LRFN2: variants seen among roughly 807,000 people sequenced by gnomAD.
LRFN2 encodes leucine-rich repeat and fibronectin type-III domain-containing protein 2.
LRFN2 carries 18 observed loss-of-function variants against 37.3 expected under a neutral mutation model. The observed-to-expected ratio is 0.48, with a 90% confidence interval of 0.33 to 0.72. The LOEUF is 0.72. Among genes scored for constraint, LRFN2 ranks in the 30% least tolerant of loss-of-function variants. The pLI is 0.02. For synonymous variants in LRFN2, 556 were observed against 466.6 expected (o/e 1.19, Z -2.47); for missense variants, 1,006 against 1,060.7 (o/e 0.95, Z 0.72).
At chr6:40,431,134 T>G (rs529335580) in intron 2 of LRFN2, among the ~76,000 whole-genome samples, 1 of 152,194 alleles carries the variant, frequency 6.6e-6, no homozygotes, top group Non-Finnish European at 1.5e-5. Context: ...TTTGATTCAG[T>G]TACCAAAACT....
chr6:40,565,492 A>G (rs1767070637), intron 1 of LRFN2, among the ~76,000 whole-genome samples: 1 of 152,212 alleles, frequency 6.6e-6, no homozygotes, highest in Admixed American at 6.5e-5. Flanking sequence ...CTATACTACA[A>G]GGCTACAGTA....
At chr6:40,449,760 A>T (rs1044072168) in intron 1 of LRFN2, among the ~76,000 whole-genome samples, 4 of 152,198 alleles carry the variant, frequency 2.6e-5, no homozygotes, top group African/African-American at 9.7e-5. Context: ...AAGAGTTTCT[A>T]TATACTCCTC....
At chr6:40,524,678 A>G (rs1334243779) in intron 1 of LRFN2, among the ~76,000 whole-genome samples, 4 of 152,226 alleles carry the variant, frequency 2.6e-5, no homozygotes, top group Admixed American at 6.5e-5. Flanking sequence ...TTGTCTTTAA[A>G]GGAACTTGGG....
chr6:40,455,022 C>A (rs571644296), intron 1 of LRFN2, among the ~76,000 whole-genome samples: 15 of 152,264 alleles, frequency 9.9e-5, no homozygotes, highest in African/African-American at 3.4e-4. Context: ...ATAAAAAAGA[C>A]GTCCTTTTTA....
chr6:40,401,267 G>A (rs1762734722), intron 2 of LRFN2, among the ~76,000 whole-genome samples: 1 of 152,062 alleles, frequency 6.6e-6, no homozygotes, highest in Admixed American at 6.5e-5. Context: ...AGGCTCCCTT[G>A]CAGCTAGTGT....
chr6:40,533,416 TGAAAGAGAGAGA>T (rs1237779138), intron 1 of LRFN2, among the ~76,000 whole-genome samples: 3 of 115,284 alleles, frequency 2.6e-5, no homozygotes, highest in South Asian at 2.9e-4. Context: ...CACACACACT[TGAAAGAGAGAGA>T]GAAAGAGAGA....
chr6:40,451,391 C>T (rs994006315), intron 1 of LRFN2, among the ~76,000 whole-genome samples: 1 of 152,162 alleles, frequency 6.6e-6, no homozygotes, highest in Non-Finnish European at 1.5e-5. Flanking sequence ...TCTTCCTGCA[C>T]ACCTGAGACC....
At chr6:40,424,666 C>A (rs747998931) in intron 2 of LRFN2, among the ~76,000 whole-genome samples, 2 of 152,108 alleles carry the variant, frequency 1.3e-5, no homozygotes, top group African/African-American at 2.4e-5. Context: ...CCTCCCTGTC[C>A]ACCCCTATTT....
intron 1 of LRFN2, among the ~76,000 whole-genome samples, chr6:40,443,630 G>C (rs887264165): frequency 6.6e-6 from 1 of 152,212 alleles, no homozygotes; most frequent in Admixed American, 6.5e-5. Context: ...CTTTATTGCT[G>C]TCCTCTGTCC....
intron 1 of LRFN2, among the ~76,000 whole-genome samples, chr6:40,447,610 A>G (rs1481992449): frequency 6.6e-6 from 1 of 152,174 alleles, no homozygotes; most frequent in Non-Finnish European, 1.5e-5. Context: ...AGATGATATC[A>G]TCATCATCAT....
intron 1 of LRFN2, among the ~76,000 whole-genome samples, chr6:40,473,882 C>T (rs1314482561): frequency 1.3e-5 from 2 of 152,156 alleles, no homozygotes; most frequent in African/African-American, 2.4e-5. Context: ...ACATCACCTA[C>T]CCAGGGATAC....
intron 2 of LRFN2, among the ~76,000 whole-genome samples, chr6:40,415,794 C>T (rs62395884): frequency 0.21 from 31,344 of 152,040 alleles, 3,722 homozygotes; most frequent in Non-Finnish European, 0.26. Context: ...AAACACCTCT[C>T]GAATGACTAA....
At chr6:40,528,015 G>A (rs1561896658) in intron 1 of LRFN2, among the ~76,000 whole-genome samples, 2 of 152,208 alleles carry the variant, frequency 1.3e-5, no homozygotes, top group Non-Finnish European at 2.9e-5. Flanking sequence ...GGAGAAAATG[G>A]AGTCTCAGAG....
At chr6:40,559,254 AGCCTTCCTGATGAC>A (rs1766948037) in intron 1 of LRFN2, among the ~76,000 whole-genome samples, 1 of 152,150 alleles carries the variant, frequency 6.6e-6, no homozygotes, top group Non-Finnish European at 1.5e-5. Flanking sequence ...CCCGGCAGTG[AGCCTTCCTGATGAC>A]GCTGTAAATC....
intron 1 of LRFN2, among the ~76,000 whole-genome samples, chr6:40,543,477 C>T (rs1383566560): frequency 6.6e-6 from 1 of 152,188 alleles, no homozygotes; most frequent in African/African-American, 2.4e-5. Context: ...TTCCTCCCAC[C>T]ATCCTAACTC....
chr6:40,571,388 C>T (rs1311598274), intron 1 of LRFN2, among the ~76,000 whole-genome samples: 1 of 152,228 alleles, frequency 6.6e-6, no homozygotes, highest in Non-Finnish European at 1.5e-5. Flanking sequence ...GAGGATGCTG[C>T]ACCACTCCAG....
At chr6:40,410,177 C>T (rs1762935422) in intron 2 of LRFN2, among the ~76,000 whole-genome samples, 1 of 152,158 alleles carries the variant, frequency 6.6e-6, no homozygotes, top group South Asian at 2.1e-4. Context: ...GCAGAGCCGT[C>T]CCCACCCACC....
chr6:40,500,601 T>C (rs1765355056), intron 1 of LRFN2, among the ~76,000 whole-genome samples: 2 of 152,250 alleles, frequency 1.3e-5, no homozygotes, highest in South Asian at 4.1e-4. Context: ...ATGTTCATCA[T>C]AGTGTTGTTT....
chr6:40,571,618 A>G (rs1767188701), intron 1 of LRFN2, among the ~76,000 whole-genome samples: 2 of 152,204 alleles, frequency 1.3e-5, no homozygotes, highest in South Asian at 2.1e-4. Flanking sequence ...AGGTTTTAGC[A>G]GGCAATTTGG....
Sources: gnomAD v4.1 joint callset for allele counts (sites outside exome capture counted in the v4.1 genomes callset) on GRCh38, gnomAD v4.1.1 for gene constraint, MANE v1.5 for transcripts, NCBI Gene and HGNC (gene_info 2026-07-23, HGNC 2026-07-21) for gene names.